Variants in ASTN2 observed in about 807,000 individuals in gnomAD.
The protein encoded by ASTN2 is astrotactin 2.
Under a neutral mutation model 139.8 loss-of-function variants are expected in ASTN2, and 54 were observed. The observed-to-expected ratio is 0.39, with a 90% CI of 0.31 to 0.48. The LOEUF is 0.48. Ranked by LOEUF, ASTN2 falls within the 20% of genes least tolerant of loss-of-function variation. The pLI is 0.95. For missense variants in ASTN2, 1,565 were observed against 1,725.1 expected, an observed-to-expected ratio of 0.91 and a Z score of 1.64; for synonymous variants, 756 against 719.5, an observed-to-expected ratio of 1.05 and a Z score of -0.81.
intron 6 of ASTN2, among the ~76,000 whole-genome samples, chr9:117,033,382 A>T (rs1394267684): frequency 6.6e-6 from 1 of 152,148 alleles, no homozygotes; most frequent in South Asian, 2.1e-4. Context: ...TTATTGAACC[A>T]TTACTAGGTC....
chr9:116,632,228 A>AGAAG (rs1856824068), intron 17 of ASTN2, among the ~76,000 whole-genome samples: 1 of 137,088 alleles, frequency 7.3e-6, no homozygotes, highest in Non-Finnish European at 1.6e-5. Context: ...AAAGAAAGAA[A>AGAAG]GAAAGAAAGA....
At chr9:116,536,419 G>A (rs1026648328) in intron 19 of ASTN2, among the ~76,000 whole-genome samples, 1 of 152,204 alleles carries the variant, frequency 6.6e-6, no homozygotes, top group African/African-American at 2.4e-5. Flanking sequence ...TCCTTTGGAG[G>A]TGGAGAGGTG....
intron 13 of ASTN2, among the ~76,000 whole-genome samples, chr9:116,739,943 T>C (rs1829054811): frequency 1.3e-5 from 2 of 152,240 alleles, no homozygotes; most frequent in South Asian, 2.1e-4. Context: ...ATCTAAAGCA[T>C]ATTGAGGATT....
At position 117,137,697 on chromosome 9, in the gene ASTN2, G is replaced by C. The variant is rs993897844; in HGVS notation, c.1168+3629C>G. On this transcript the variant is annotated intron_variant, in intron 4 of 22. Transcript: ENST00000313400. The stretch of plus-strand genomic sequence containing the variant: ...ATCTTCAAGAGAAAGAGGGAGGGTG[G>C]AGAATTTCCAAACTTTTTTTTTTTT... 2.6e-5 allele frequency among the ~76,000 whole-genome samples: 4 copies of C among 151,680 alleles called. No homozygotes were observed. In the East Asian group the frequency reaches 7.7e-4, roughly 29 times the overall value.
chr9:116,682,017 T>G (rs1225427469), intron 16 of ASTN2, among the ~76,000 whole-genome samples: 1 of 151,556 alleles, frequency 6.6e-6, no homozygotes, highest in East Asian at 1.9e-4. Context: ...AAGCCAAAAT[T>G]GACAAATGGG....
At chr9:116,956,792 A>G (rs1458554947) in intron 10 of ASTN2, among the ~76,000 whole-genome samples, 1 of 152,162 alleles carries the variant, frequency 6.6e-6, no homozygotes, top group Non-Finnish European at 1.5e-5. Flanking sequence ...CAATGAGCAA[A>G]CAAAAAATAA....
chr9:117,162,895 T>C (rs771207469), intron 3 of ASTN2, among the ~76,000 whole-genome samples: 3 of 151,974 alleles, frequency 2.0e-5, no homozygotes, highest in Non-Finnish European at 4.4e-5. Flanking sequence ...GGAACATGCA[T>C]GCATCCAAAC....
chr9:116,816,667 A>C (rs1050705917), intron 12 of ASTN2, among the ~76,000 whole-genome samples: 2 of 152,128 alleles, frequency 1.3e-5, no homozygotes, highest in Non-Finnish European at 2.9e-5. Context: ...GTATGACAGA[A>C]ACAGACAGGA....
At chr9:116,942,502 C>A (rs753889468) in intron 10 of ASTN2, among the ~76,000 whole-genome samples, 3 of 152,186 alleles carry the variant, frequency 2.0e-5, no homozygotes, top group African/African-American at 4.8e-5. Flanking sequence ...CCCTGCCCTG[C>A]ATCCAGCTTC....
At chr9:117,043,311 C>T (rs1457595540) in intron 5 of ASTN2, among the ~76,000 whole-genome samples, 2 of 152,142 alleles carry the variant, frequency 1.3e-5, no homozygotes, top group African/African-American at 4.8e-5. Context: ...AGGCCCCTGG[C>T]ATTGGGAAAT....
chr9:116,438,074 C>G (rs951061250), intron 22 of ASTN2, among the ~76,000 whole-genome samples: 1 of 152,150 alleles, frequency 6.6e-6, no homozygotes, highest in Non-Finnish European at 1.5e-5. Context: ...GCATGAATAC[C>G]CTACATGGTC....
intron 13 of ASTN2, among the ~76,000 whole-genome samples, chr9:116,770,369 A>G (rs1029519026): frequency 3.9e-5 from 6 of 152,152 alleles, no homozygotes; most frequent in African/African-American, 1.4e-4. Context: ...CAGGACAATG[A>G]TTATAGCAAC....
intron 1 of ASTN2, among the ~76,000 whole-genome samples, chr9:117,334,066 G>C (rs552351313): frequency 3.7e-4 from 57 of 152,326 alleles, no homozygotes; most frequent in African/African-American, 1.3e-3. Flanking sequence ...GGGCTTTGCA[G>C]ATCATATGGT....
At chr9:116,964,987 T>G (rs887212800) in intron 10 of ASTN2, among the ~76,000 whole-genome samples, 2 of 152,172 alleles carry the variant, frequency 1.3e-5, no homozygotes, top group African/African-American at 2.4e-5. Flanking sequence ...GGGAACACAA[T>G]GAGGTCATGA....
At chr9:117,391,527 G>A (rs1229626533) in intron 1 of ASTN2, among the ~76,000 whole-genome samples, 1 of 152,110 alleles carries the variant, frequency 6.6e-6, no homozygotes, top group African/African-American at 2.4e-5. Flanking sequence ...GGAAAGACCT[G>A]CTTCCATGAT....
chr9:116,457,833 G>T (rs182087514), intron 20 of ASTN2, among the ~76,000 whole-genome samples: 12 of 152,048 alleles, frequency 7.9e-5, no homozygotes, highest in Admixed American at 7.2e-4. Flanking sequence ...CATATGATCC[G>T]GCTATCCAAG....
intron 1 of ASTN2, among the ~76,000 whole-genome samples, chr9:117,398,057 C>T (rs7864589): frequency 4.0e-4 from 61 of 152,164 alleles, no homozygotes; most frequent in African/African-American, 1.3e-3. Flanking sequence ...TGTACATGTA[C>T]GAATGTTTCT....
intron 4 of ASTN2, among the ~76,000 whole-genome samples, chr9:117,125,039 TAATAAAAATCA>T (rs892417900): frequency 1.1e-4 from 17 of 152,178 alleles, no homozygotes; most frequent in African/African-American, 3.9e-4. Context: ...GCCATTATGG[TAATAAAAATCA>T]AATGGCACAT....
chr9:116,555,913 G>A (rs1014489718), intron 19 of ASTN2, among the ~76,000 whole-genome samples: 1 of 152,156 alleles, frequency 6.6e-6, no homozygotes, highest in Admixed American at 6.5e-5. Context: ...ATGCACATGT[G>A]TGAGTATACT....
Sources: gnomAD v4.1 joint callset for allele counts (sites outside exome capture counted in the v4.1 genomes callset) on GRCh38, gnomAD v4.1.1 for gene constraint, MANE v1.5 for transcripts, NCBI Gene and HGNC (gene_info 2026-07-23, HGNC 2026-07-21) for gene names.